Variants in GPRC6A observed in about 807,000 individuals in gnomAD.
GPRC6A encodes the protein G protein-coupled receptor family C group 6 member A.
GPRC6A carries 54 observed loss-of-function variants against 47.0 expected under a neutral mutation model. That is an observed-to-expected ratio of 1.15 (90% confidence interval 0.92 to 1.44). The LOEUF (loss-of-function observed/expected upper bound fraction) is 1.44. Among genes scored for constraint, GPRC6A ranks in the 40% most tolerant of loss-of-function variants. GPRC6A has a pLI of 0.00. For synonymous variants in GPRC6A, 347 were observed against 377.1 expected, an observed-to-expected ratio of 0.92 and a Z score of 0.93; for missense variants, 1,112 against 1,105.5, an observed-to-expected ratio of 1.01 and a Z score of -0.08.
At chr6:116,795,307 C>T (rs1468949767) in intron 5 of GPRC6A, among the ~76,000 whole-genome samples, 2 of 152,032 alleles carry the variant, frequency 1.3e-5, no homozygotes, top group African/African-American at 4.8e-5. Flanking sequence ...CCGGGTGCCT[C>T]TGGGTTTCTA....
intron 1 of GPRC6A, among the ~76,000 whole-genome samples, chr6:116,823,001 C>G (rs1773554645): frequency 6.6e-6 from 1 of 151,216 alleles, no homozygotes; most frequent in African/African-American, 2.4e-5. Context: ...CCTTTGAAGT[C>G]TTCTCATTGT....
At chr6:116,815,846 C>T (rs926795952) in intron 1 of GPRC6A, among the ~76,000 whole-genome samples, 1 of 152,130 alleles carries the variant, frequency 6.6e-6, no homozygotes, top group Admixed American at 6.5e-5. Context: ...ATGTATTAGT[C>T]CCTTCTCACA....
chr6:116,820,837 T>C (rs1227790211), intron 1 of GPRC6A, among the ~76,000 whole-genome samples: 1 of 150,802 alleles, frequency 6.6e-6, no homozygotes, highest in African/African-American at 2.4e-5. Flanking sequence ...CTATTCAACG[T>C]AGTGTTGGAA....
In GPRC6A at chr6:116,806,434, T is replaced by C. The variant is rs779665048; in HGVS notation, c.1271A>G (p.Tyr424Cys). 3 of 1,613,422 alleles carry C rather than the reference T, an allele frequency of 1.9e-6. No individual in the cohort carries two copies. The highest frequency in any genetic ancestry group is 1.7e-6 in the Non-Finnish European group (2 of 1,179,676). ...AGCTTGACACAGATCCCGAATGGCA[T>C]AACCAAGGGCAAACACTGCAAGCTG... is the stretch of plus-strand genomic sequence containing the variant. ...SIQLAVFALG[Y>C]AIRDLCQARD... The change falls in exon 3 of 6, where the codon TAT becomes TGT. Residue 424 changes from tyrosine (Y) to cysteine (C), a missense_variant. Transcript: ENST00000310357.
intron 1 of GPRC6A, among the ~76,000 whole-genome samples, chr6:116,821,657 A>G (rs928591982): frequency 3.9e-5 from 6 of 152,116 alleles, no homozygotes; most frequent in Admixed American, 3.9e-4. Flanking sequence ...GGCTAGCCAT[A>G]TGTAGAAAGC....
chr6:116,793,393 A>T (rs111438457), intron 5 of GPRC6A, 143 bp from the exon 6 acceptor site: 1 of 527,166 alleles, frequency 1.9e-6, no homozygotes, highest in Non-Finnish European at 3.1e-6. Context: ...ACTTATTAAA[A>T]TAAAACATGC....
chr6:116,823,363 T>TTTGCTA (rs1773570457), intron 1 of GPRC6A, among the ~76,000 whole-genome samples: 1 of 152,126 alleles, frequency 6.6e-6, no homozygotes, highest in African/African-American at 2.4e-5. Flanking sequence ...ACCAAGTTCT[T>TTTGCTA]TGCTAATGCA....
intron 4 of GPRC6A, 109 bp downstream of exon 4, chr6:116,800,475 A>G: frequency 1.4e-6 from 1 of 736,650 alleles, no homozygotes; most frequent in Non-Finnish European, 2.5e-6. Context: ...CTTGATTAAC[A>G]GGGATTGTGT....
At chr6:116,816,809 G>A (rs201774512) in intron 1 of GPRC6A, among the ~76,000 whole-genome samples, 105 of 152,320 alleles carry the variant, frequency 6.9e-4, no homozygotes, top group South Asian at 5.8e-3. Flanking sequence ...ACTCCCACCC[G>A]AATACTGCGC....
In GPRC6A at chr6:116,806,954, C is replaced by A; in HGVS notation, c.751G>T (p.Asp251Tyr). 1 of 1,613,544 alleles carries A rather than the reference C, an allele frequency of 6.2e-7. No homozygotes were observed. Among genetic ancestry groups the A allele is most frequent in the African/African-American group, 1.3e-5 (1 of 74,982 alleles). ...FKEVLPAFLS[D>Y]NTIEVRINRT... The stretch of plus-strand genomic sequence containing the variant: ...TTGATTCTGACTTCAATGGTATTAT[C>A]TGAAAGAAAGGCTGGAAGAACCTCT... Residue 251 changes from aspartate to tyrosine, a missense_variant, in exon 3 of 6, where the codon GAT becomes TAT. Coordinates refer to ENST00000310357, the MANE Select transcript of GPRC6A (RefSeq NM_148963.4).
In GPRC6A at chr6:116,792,850, A is replaced by T. The variant is rs765422411; in HGVS notation, c.2073T>A (p.Asp691Glu). 1 of 1,614,110 alleles carries T rather than the reference A, an allele frequency of 6.2e-7. No homozygotes were observed. The highest frequency in any genetic ancestry group is 2.2e-5 in the East Asian group (1 of 44,874). ...ACTTCAGAAATTTCTGTAATTTGGG[A>T]TCAAAGCTGAAGGCTAGCAAAATTT... ...SLKILLAFSF[D>E]PKLQKFLKCL... The change falls in exon 6 of 6, where the codon GAT becomes GAA. Residue 691 changes from aspartate to glutamate, a missense_variant. By Grantham distance (45) the Asp-to-Glu change is conservative. Transcript: ENST00000310357.
In GPRC6A at chr6:116,792,622, G is replaced by C; in HGVS notation, c.2301C>G (p.Phe767Leu). 2 of 1,612,630 alleles carry C rather than the reference G, an allele frequency of 1.2e-6. No individual in the cohort carries two copies. Among genetic ancestry groups the C allele is most frequent in the Non-Finnish European group, 1.7e-6 (2 of 1,179,442 alleles). ...CATATTTGCCTTTGAAAGCAAATAT[G>C]AAGCAAATGAAGGCCAGGATGGCAA... ...GYIAILAFIC[F>L]IFAFKGKYEN... The change falls in exon 6 of 6, where the codon TTC (phenylalanine) becomes TTG (leucine). Residue 767 changes from phenylalanine (F) to leucine (L), a missense_variant. Phe to Leu is a conservative substitution (Grantham distance 22, BLOSUM62 0). Coordinates refer to ENST00000310357, the MANE Select transcript of GPRC6A (RefSeq NM_148963.4).
chr6:116,815,530 A>C (rs192340713), intron 1 of GPRC6A, among the ~76,000 whole-genome samples: 2 of 152,296 alleles, frequency 1.3e-5, no homozygotes, highest in East Asian at 3.9e-4. Context: ...CCCAACAGAC[A>C]TTTACAGAAC....
intron 1 of GPRC6A, among the ~76,000 whole-genome samples, chr6:116,822,023 G>A (rs71570824): frequency 0.72 from 94,884 of 132,074 alleles, 34,737 homozygotes; most frequent in Middle Eastern, 0.82. Context: ...AGAAAAAAAC[G>A]AACAACCCCA....
At chr6:116,807,727 A>G (rs1048380456) in intron 2 of GPRC6A, among the ~76,000 whole-genome samples, 21 of 152,306 alleles carry the variant, frequency 1.4e-4, no homozygotes, top group African/African-American at 4.8e-4. Flanking sequence ...AGTCTCTGTC[A>G]TATCTATTTT....
intron 1 of GPRC6A, among the ~76,000 whole-genome samples, chr6:116,820,543 G>A (rs1339050932): frequency 1.3e-5 from 2 of 149,310 alleles, no homozygotes; most frequent in Non-Finnish European, 3.0e-5. Flanking sequence ...GGGATGCAAG[G>A]CTGGTTCAAT....
chr6:116,814,058 C>T (rs1773122047), intron 1 of GPRC6A, among the ~76,000 whole-genome samples: 1 of 152,086 alleles, frequency 6.6e-6, no homozygotes, highest in Admixed American at 6.6e-5. Context: ...AGTGAGATAC[C>T]ATCTCACACC....
intron 5 of GPRC6A, among the ~76,000 whole-genome samples, chr6:116,793,553 A>G (rs902530149): frequency 4.3e-4 from 65 of 152,216 alleles, no homozygotes; most frequent in African/African-American, 1.4e-3. Flanking sequence ...TGCATTTGCT[A>G]TTATAGATGA....
intron 2 of GPRC6A, among the ~76,000 whole-genome samples, chr6:116,807,998 CTT>C (rs565661865): frequency 2.8e-5 from 4 of 143,878 alleles, no homozygotes; most frequent in Non-Finnish European, 3.1e-5. Flanking sequence ...TTCGTTCCTT[CTT>C]TTTTTTTTTT....
Sources: allele counts gnomAD v4.1 joint callset (sites outside exome capture counted in the v4.1 genomes callset), GRCh38; gene constraint gnomAD v4.1.1; transcripts MANE v1.5; gene names NCBI Gene and HGNC (gene_info 2026-07-23, HGNC 2026-07-21).